The following CEP83 variants were observed in gnomAD, a reference collection of about 807,000 sequenced individuals.
CEP83 encodes centrosomal protein 83.
CEP83 carries 70 observed loss-of-function variants against 101.9 expected under a neutral mutation model. The ratio of observed to expected loss-of-function variants is 0.69; its 90% CI spans 0.57 to 0.84. CEP83 has a LOEUF of 0.84. Ranked by LOEUF, CEP83 falls within the 40% of genes least tolerant of loss-of-function variation. The probability of loss-of-function intolerance (pLI) is 0.00; values close to 1 mark genes in which losing one functional copy is unlikely to be tolerated. For synonymous variants in CEP83, 264 were observed against 267.9 expected, an observed-to-expected ratio of 0.99 and a Z score of 0.14; for missense variants, 715 against 787.2, an observed-to-expected ratio of 0.91 and a Z score of 1.10.
intron 8 of CEP83, among the ~76,000 whole-genome samples, chr12:94,371,242 C>T (rs372868581): frequency 6.6e-6 from 1 of 151,928 alleles, no homozygotes; most frequent in Non-Finnish European, 1.5e-5. Context: ...TTAACTAATG[C>T]GAATCTGTTG....
intron 6 of CEP83, among the ~76,000 whole-genome samples, chr12:94,397,050 C>A (rs776777279): frequency 1.3e-5 from 2 of 152,184 alleles, no homozygotes; most frequent in Non-Finnish European, 2.9e-5. Flanking sequence ...AGTAAATCCA[C>A]AATTATACAC....
intron 1 of CEP83, among the ~76,000 whole-genome samples, chr12:94,436,122 A>G (rs969885437): frequency 7.9e-5 from 12 of 152,124 alleles, no homozygotes; most frequent in Non-Finnish European, 1.5e-4. Flanking sequence ...ACTGAAACAT[A>G]CAAATAAAAA....
downstream of CEP83, chr12:94,303,836 C>T: frequency 6.3e-7 from 1 of 1,599,098 alleles, no homozygotes; most frequent in Non-Finnish European, 8.5e-7. Flanking sequence ...ACAAAGCAAT[C>T]AGGGATTTGC....
At chr12:94,427,742 AAAC>A (rs1388622662) in intron 2 of CEP83, among the ~76,000 whole-genome samples, 1 of 152,082 alleles carries the variant, frequency 6.6e-6, no homozygotes, top group Non-Finnish European at 1.5e-5. Flanking sequence ...GTTTTTTAAA[AAAC>A]AACATTAAAA....
intron 6 of CEP83, among the ~76,000 whole-genome samples, chr12:94,391,156 A>T (rs895758861): frequency 6.6e-6 from 1 of 152,062 alleles, no homozygotes; most frequent in African/African-American, 2.4e-5. Flanking sequence ...GAGAAGAGCA[A>T]CTCCAAGACA....
the CEP83 span, among the ~76,000 whole-genome samples, chr12:94,271,161 ATATATTT>A: frequency 6.6e-6 from 1 of 152,252 alleles, no homozygotes; most frequent in Non-Finnish European, 1.5e-5. Context: ...AAAATTAGAA[ATATATTT>A]TATAGGTTTT....
chr12:94,401,762 G>A (rs183463550), intron 5 of CEP83, among the ~76,000 whole-genome samples: 8 of 151,972 alleles, frequency 5.3e-5, no homozygotes, highest in African/African-American at 1.7e-4. Context: ...ACTTTGCTTT[G>A]ATTTAAAAAA....
Position 94,368,112 on chromosome 12 carries a change from C to G in CEP83, c.1138G>C (p.Val380Leu). ...VEKDRELIRK[V>L]QAAKEEGYQK... ...TAACCTTCTTCTTTGGCAGCTTGTACTTTACGTATTAATTCACGATCCTTT... is the reference window on the plus strand; with the variant it reads ...TAACCTTCTTCTTTGGCAGCTTGTAGTTTACGTATTAATTCACGATCCTTT... The change falls in exon 10 of 17, where the codon GTA becomes CTA. Residue 380 changes from valine (V) to leucine (L), a missense_variant. Coordinates refer to ENST00000397809, the MANE Select transcript of CEP83 (RefSeq NM_016122.3). The G allele has an allele frequency of 6.2e-7, 1 of 1,613,318 alleles. No individual in the cohort carries two copies. Among genetic ancestry groups the G allele is most frequent in the Non-Finnish European group, 8.5e-7 (1 of 1,179,552 alleles).
intron 4 of CEP83, among the ~76,000 whole-genome samples, chr12:94,410,667 C>T (rs1429816953): frequency 6.6e-6 from 1 of 152,176 alleles, no homozygotes; most frequent in African/African-American, 2.4e-5. Flanking sequence ...ACAGCTTCCA[C>T]TCATACAGGG....
the CEP83 span, among the ~76,000 whole-genome samples, chr12:94,279,125 A>G: frequency 1.3e-5 from 2 of 152,184 alleles, no homozygotes; most frequent in Non-Finnish European, 2.9e-5. Flanking sequence ...TGCCTCATCT[A>G]CTGTGGAACC....
At chr12:94,399,439 A>T (rs1196679904) in intron 6 of CEP83, among the ~76,000 whole-genome samples, 1 of 152,214 alleles carries the variant, frequency 6.6e-6, no homozygotes, top group Non-Finnish European at 1.5e-5. Context: ...GCTGGGCACG[A>T]TAGTCTATGC....
chr12:94,312,506 G>A, intron 15 of CEP83: 1 of 815,418 alleles, frequency 1.2e-6, no homozygotes, highest in Non-Finnish European at 1.5e-6. Context: ...AGATGTGCTT[G>A]AATGTGACTG....
intron 2 of CEP83, among the ~76,000 whole-genome samples, chr12:94,413,473 T>C (rs2064036956): frequency 6.6e-6 from 1 of 152,204 alleles, no homozygotes. Context: ...ACTTGGTAAC[T>C]GGCTAGGGAG....
intron 11 of CEP83, among the ~76,000 whole-genome samples, chr12:94,341,520 A>T (rs2059686768): frequency 1.3e-5 from 2 of 151,502 alleles, no homozygotes. Flanking sequence ...CATAACTGTC[A>T]AGGAAAAAAT....
chr12:94,297,432 A>C, the CEP83 span: 1 of 1,596,858 alleles, frequency 6.3e-7, no homozygotes, highest in Non-Finnish European at 8.6e-7. Flanking sequence ...AGGTACACTT[A>C]CTGTTCTGGG....
At chr12:94,342,940 A>C (rs1284147598) in intron 11 of CEP83, among the ~76,000 whole-genome samples, 2 of 152,174 alleles carry the variant, frequency 1.3e-5, no homozygotes, top group African/African-American at 4.8e-5. Context: ...CACATACAGA[A>C]ACACAGTAAT....
At chr12:94,327,385 C>A (rs1156893038) in intron 14 of CEP83, among the ~76,000 whole-genome samples, 1 of 152,068 alleles carries the variant, frequency 6.6e-6, no homozygotes, top group Admixed American at 6.5e-5. Flanking sequence ...CTCTGTTCAC[C>A]ACCACACCTA....
intron 14 of CEP83, 83 bp downstream of exon 14, chr12:94,331,617 C>G: frequency 8.3e-7 from 1 of 1,211,564 alleles, no homozygotes; most frequent in Non-Finnish European, 1.2e-6. Context: ...CGTGATCCAC[C>G]TGCCTCCGCC....
chr12:94,340,204 G>T (rs2059619294), intron 11 of CEP83, among the ~76,000 whole-genome samples: 1 of 152,146 alleles, frequency 6.6e-6, no homozygotes, highest in African/African-American at 2.4e-5. Context: ...AATTAAGGGG[G>T]TATTGACTAC....
Sources: gnomAD v4.1 joint callset for allele counts (sites outside exome capture counted in the v4.1 genomes callset) on GRCh38, gnomAD v4.1.1 for gene constraint, MANE v1.5 for transcripts, NCBI Gene and HGNC (gene_info 2026-07-23, HGNC 2026-07-21) for gene names.